LSAMP: variants seen among roughly 807,000 people sequenced by gnomAD.
The protein encoded by LSAMP is limbic system associated membrane protein.
LSAMP carries 7 observed loss-of-function variants against 38.6 expected under a neutral mutation model. The ratio of observed to expected loss-of-function variants is 0.18; its 90% CI spans 0.10 to 0.34. LSAMP has a LOEUF of 0.34. Ranked by LOEUF, LSAMP falls within the 10% of genes least tolerant of loss-of-function variation. The pLI is 1.00. For synonymous variants in LSAMP, 154 were observed against 166.8 expected (o/e 0.92, Z 0.59); for missense variants, 313 against 420.0 (o/e 0.75, Z 2.23).
intron 3 of LSAMP, among the ~76,000 whole-genome samples, chr3:116,014,415 C>G (rs1940418875): frequency 6.6e-6 from 1 of 152,042 alleles, no homozygotes; most frequent in Non-Finnish European, 1.5e-5. Flanking sequence ...CAATATATAA[C>G]TAAGACACTG....
chr3:116,316,713 G>T (rs1329615937), intron 1 of LSAMP, among the ~76,000 whole-genome samples: 1 of 146,936 alleles, frequency 6.8e-6, no homozygotes, highest in African/African-American at 2.5e-5. Flanking sequence ...AGAGGTTGCA[G>T]TGAGCTAAGA....
At chr3:115,986,298 A>G (rs1054367825) in intron 3 of LSAMP, among the ~76,000 whole-genome samples, 3 of 152,192 alleles carry the variant, frequency 2.0e-5, no homozygotes, top group Non-Finnish European at 4.4e-5. Context: ...AACATGCTTG[A>G]GAGCTATTTG....
chr3:116,087,853 C>T (rs767032620), intron 1 of LSAMP, among the ~76,000 whole-genome samples: 16 of 151,696 alleles, frequency 1.1e-4, no homozygotes, highest in Non-Finnish European at 1.8e-4. Context: ...ACCTCCTTAT[C>T]CTATTAATTT....
At chr3:116,012,387 C>T (rs1308370346) in intron 3 of LSAMP, among the ~76,000 whole-genome samples, 1 of 151,796 alleles carries the variant, frequency 6.6e-6, no homozygotes. Context: ...CTTGAAACAC[C>T]AGTTTTGAAA....
At chr3:116,256,672 A>T (rs1284332504) in intron 1 of LSAMP, among the ~76,000 whole-genome samples, 1 of 152,202 alleles carries the variant, frequency 6.6e-6, no homozygotes, top group Non-Finnish European at 1.5e-5. Context: ...GTTACAATTT[A>T]TGCATTTCTC....
chr3:116,378,115 C>G (rs952625153), intron 1 of LSAMP, among the ~76,000 whole-genome samples: 3 of 152,086 alleles, frequency 2.0e-5, no homozygotes, highest in African/African-American at 7.2e-5. Flanking sequence ...CTCTCCTTCA[C>G]ATTTTTCTCC....
Position 116,078,277 on chromosome 3 carries a change from CTTTATTTATTTA to C in LSAMP, c.388+8035_388+8046del, listed in dbSNP as rs34346607. Reference sequence around the variant, plus strand: ...ATAATACAAAAGGGCTTTATATCCTCTTTATTTATTTATTTATTTATTTATTTTACTTTATTT... The same window carrying C: ...ATAATACAAAAGGGCTTTATATCCTCTTTATTTATTTATTTTACTTTATTT... On this transcript the variant is annotated intron_variant, in intron 2 of 6. Coordinates refer to ENST00000490035, the MANE Select transcript of LSAMP (RefSeq NM_002338.5). Among the ~76,000 whole-genome samples the C allele has an allele frequency of 2.7e-5, 4 of 150,088 alleles. No homozygotes were observed. The South Asian group carries it at 6.3e-4, about 24-fold the overall frequency.
At chr3:116,334,321 A>C (rs958386152) in intron 1 of LSAMP, among the ~76,000 whole-genome samples, 1 of 152,134 alleles carries the variant, frequency 6.6e-6, no homozygotes, top group African/African-American at 2.4e-5. Context: ...AAAAATTTAA[A>C]GAACTAACAC....
At chr3:116,240,688 T>C (rs2046520992) in intron 1 of LSAMP, among the ~76,000 whole-genome samples, 1 of 152,188 alleles carries the variant, frequency 6.6e-6, no homozygotes, top group South Asian at 2.1e-4. Flanking sequence ...TGTTGGACTT[T>C]TAAGTTATCT....
At chr3:116,060,060 G>T (rs951598440) in intron 2 of LSAMP, among the ~76,000 whole-genome samples, 2 of 152,248 alleles carry the variant, frequency 1.3e-5, no homozygotes, top group South Asian at 4.2e-4. Context: ...AAAGGCAAAG[G>T]CTTTCTTTGG....
At chr3:116,354,517 G>A (rs2048193334) in intron 1 of LSAMP, among the ~76,000 whole-genome samples, 1 of 152,204 alleles carries the variant, frequency 6.6e-6, no homozygotes, top group Non-Finnish European at 1.5e-5. Context: ...CCTTGGCAAT[G>A]AAGAAGCTTA....
chr3:116,193,560 T>G lies in LSAMP; in HGVS notation c.156-107004A>C, dbSNP rs1035084029. ...GCAACAACAACAAAAAAAGTATATTTACAAACAAACAAAAAAAACAACGCT... is the reference window on the plus strand; with the variant it reads ...GCAACAACAACAAAAAAAGTATATTGACAAACAAACAAAAAAAACAACGCT... On this transcript the variant is annotated intron_variant, in intron 1 of 6. Coordinates refer to ENST00000490035, the MANE Select transcript of LSAMP (RefSeq NM_002338.5). Among the ~76,000 whole-genome samples, 3 of 152,154 alleles carry G rather than the reference T, an allele frequency of 2.0e-5. No individual in the cohort carries two copies. In the South Asian group the frequency reaches 6.2e-4, roughly 32 times the overall value.
intron 1 of LSAMP, among the ~76,000 whole-genome samples, chr3:116,408,029 A>T (rs1303902436): frequency 6.6e-6 from 1 of 152,088 alleles, no homozygotes; most frequent in African/African-American, 2.4e-5. Context: ...TAATCATCAC[A>T]CAAACTTCTT....
At chr3:115,974,202 G>A (rs1286598352) in intron 3 of LSAMP, among the ~76,000 whole-genome samples, 1 of 152,016 alleles carries the variant, frequency 6.6e-6, no homozygotes, top group Non-Finnish European at 1.5e-5. Flanking sequence ...AAATTAGCCA[G>A]GCATGATGGC....
intron 3 of LSAMP, among the ~76,000 whole-genome samples, chr3:115,863,167 G>A (rs10934310): frequency 0.19 from 28,830 of 152,092 alleles, 3,512 homozygotes; most frequent in African/African-American, 0.33. Flanking sequence ...TTTAAAAAGC[G>A]CTGCATGAGG....
chr3:115,889,703 A>G (rs1936547697), intron 3 of LSAMP, among the ~76,000 whole-genome samples: 2 of 151,944 alleles, frequency 1.3e-5, no homozygotes, highest in Non-Finnish European at 1.5e-5. Flanking sequence ...ACCCTATAAG[A>G]GAAGTTTTCC....
At chr3:116,253,353 AG>A (rs2046710210) in intron 1 of LSAMP, among the ~76,000 whole-genome samples, 1 of 152,210 alleles carries the variant, frequency 6.6e-6, no homozygotes, top group African/African-American at 2.4e-5. Flanking sequence ...CCCCAAACAA[AG>A]AGTTCCTATG....
At chr3:115,818,423 TC>T (rs1354489445) in intron 6 of LSAMP, among the ~76,000 whole-genome samples, 11 of 152,120 alleles carry the variant, frequency 7.2e-5, no homozygotes, top group Admixed American at 2.0e-4. Context: ...AAGCAATTGT[TC>T]AGAAATCCAG....
Position 115,935,062 on chromosome 3 carries a change from CA to C in LSAMP, c.515-82446del, listed in dbSNP as rs573594286. Among the ~76,000 whole-genome samples the C allele has an allele frequency of 7.8e-4, 114 of 146,410 alleles. 1 individual carries two copies. In the East Asian group the frequency reaches 0.02, roughly 25 times the overall value. ...AACAAACAAAAACAAAAACAAAAAA[CA>C]AAAAAAACCTCACCAAATAATGAGA... On this transcript the variant is annotated intron_variant, in intron 3 of 6. Coordinates refer to ENST00000490035, the MANE Select transcript of LSAMP (RefSeq NM_002338.5).
Sources: allele counts gnomAD v4.1 joint callset (sites outside exome capture counted in the v4.1 genomes callset), GRCh38; gene constraint gnomAD v4.1.1; transcripts MANE v1.5; gene names NCBI Gene and HGNC (gene_info 2026-07-23, HGNC 2026-07-21).